ABHD8: variants seen among roughly 807,000 people sequenced by gnomAD.
The protein encoded by ABHD8 is abhydrolase domain containing 8, also known as protein ABHD8.
Under a neutral mutation model 29.3 loss-of-function variants are expected in ABHD8, and 10 were observed. That is an observed-to-expected ratio of 0.34 (90% CI 0.21 to 0.58). ABHD8 has a LOEUF of 0.58. Ranked by LOEUF, ABHD8 falls within the 20% of genes least tolerant of loss-of-function variation. ABHD8 has a pLI of 0.85. For synonymous variants in ABHD8, 282 were observed against 274.6 expected, an observed-to-expected ratio of 1.03 and a Z score of -0.27; for missense variants, 556 against 615.3, an observed-to-expected ratio of 0.90 and a Z score of 1.02.
intron 1 of ABHD8, among the ~76,000 whole-genome samples, chr19:17,302,462 T>C (rs1462259491): frequency 1.3e-5 from 2 of 152,282 alleles, no homozygotes; most frequent in Admixed American, 1.3e-4. Flanking sequence ...GCATCTAAAA[T>C]ATGCAAATCT....
chr19:17,300,800 G>C (rs2074113752), intron 2 of ABHD8, 56 bp downstream of exon 2: 1 of 1,520,408 alleles, frequency 6.6e-7, no homozygotes, highest in African/African-American at 1.4e-5. Context: ...TTTTGTGACT[G>C]TAGTCCCTGC....
At chr19:17,294,537 T>C in intron 3 of ABHD8, 33 bp from the exon 4 acceptor site, 1 of 1,612,988 alleles carries the variant, frequency 6.2e-7, no homozygotes, top group Non-Finnish European at 8.5e-7. Flanking sequence ...TAGAGCCCCT[T>C]ATGCCAGCCC....
chr19:17,301,794 G>GTGTGTGTA (rs1350575632), intron 1 of ABHD8, among the ~76,000 whole-genome samples, 170 bp from the exon 2 acceptor site: 2 of 151,838 alleles, frequency 1.3e-5, no homozygotes, highest in African/African-American at 4.8e-5. Context: ...GTGTGTGTGT[G>GTGTGTGTA]TGTGTGTGTG....
chr19:17,301,453 G>A lies in ABHD8; in HGVS notation c.164C>T (p.Ala55Val). 6.2e-7 allele frequency: 1 copy of A among 1,611,778 alleles called. No individual in the cohort carries two copies. The highest frequency in any genetic ancestry group is 1.3e-5 in the African/African-American group (1 of 75,034). Residue 55 changes from alanine (A) to valine (V), a missense_variant, in exon 2 of 5, where the codon GCT becomes GTT. Around this residue, in one of 2 missense-constraint regions of ABHD8, gnomAD observed 286 missense variants for 261.4 expected, o/e 1.09. Transcript: ENST00000247706. ...TGCGGATGATGGTGGAGGTGGGGCA[G>A]CGGCTGGGGCGGGTCCTGCATGCTT... ...RVKHAGPAPA[A>V]APPPPSSASS...
At chr19:17,300,462 C>G (rs1398622816) in intron 2 of ABHD8, among the ~76,000 whole-genome samples, 1 of 151,876 alleles carries the variant, frequency 6.6e-6, no homozygotes, top group African/African-American at 2.4e-5. Context: ...CCGCCTTGGC[C>G]CCCGAAAGCA....
Position 17,301,369 on chromosome 19 carries a change from G to A in ABHD8, c.248C>T (p.Thr83Ile), listed in dbSNP as rs2074117456. ...SGLVRCQRRI[T>I]VYRNGRLLVE... ...CAGCAACCGCCCATTGCGGTACACGGTGATCCGGCGCTGACAGCGGACCAA... is the reference window on the plus strand; with the variant it reads ...CAGCAACCGCCCATTGCGGTACACGATGATCCGGCGCTGACAGCGGACCAA... The change falls in exon 2 of 5, where the codon ACC becomes ATC. Residue 83 changes from threonine (T) to isoleucine (I), a missense_variant. Coordinates refer to ENST00000247706, the MANE Select transcript of ABHD8 (RefSeq NM_024527.5). 1.2e-6 allele frequency: 2 copies of A among 1,610,792 alleles called. No individual in the cohort carries two copies. Among genetic ancestry groups the A allele is most frequent in the African/African-American group, 1.3e-5 (1 of 74,950 alleles).
chr19:17,299,338 A>G (rs369202388), intron 2 of ABHD8, among the ~76,000 whole-genome samples: 5 of 150,628 alleles, frequency 3.3e-5, no homozygotes, highest in East Asian at 3.9e-4. Flanking sequence ...GAGGAGGGCG[A>G]ATCACGAGGT....
intron 2 of ABHD8, among the ~76,000 whole-genome samples, chr19:17,299,889 C>T (rs1184300435): frequency 2.7e-5 from 4 of 149,156 alleles, no homozygotes; most frequent in South Asian, 2.2e-4. Flanking sequence ...TGTGCACCAC[C>T]GCGCGTGGTG....
intron 4 of ABHD8, 109 bp downstream of exon 4, chr19:17,294,179 G>A (rs1599521921): frequency 7.3e-7 from 1 of 1,368,368 alleles, no homozygotes; most frequent in Non-Finnish European, 9.8e-7. Flanking sequence ...GCCCCCTCGG[G>A]AAGAAAGCAC....
At position 17,300,948 on chromosome 19, in the gene ABHD8, T is replaced by C. The variant is rs2074114504; in HGVS notation, c.669A>G (p.Ala223=). The change falls in exon 2 of 5, where the codon GCA becomes GCG. Residue 223 remains alanine (A), a synonymous_variant. Transcript: ENST00000247706. ...HGASSAPQVA[A]AYTFYALAED... is the part of the protein sequence containing the mutation. The stretch of plus-strand genomic sequence containing the variant: ...CAGCCAGCGCATAGAAGGTGTAGGC[T>C]GCGGCCACCTGGGGCGCAGAGCTGG... 1 of 1,613,520 alleles carries C rather than the reference T, an allele frequency of 6.2e-7. No individual in the cohort carries two copies. Among genetic ancestry groups the C allele is most frequent in the Non-Finnish European group, 8.5e-7 (1 of 1,179,950 alleles).
Position 17,294,651 on chromosome 19 carries a change from G to C in ABHD8, c.932+24C>G, listed in dbSNP as rs771790599. 11 of 1,611,270 alleles carry C rather than the reference G, an allele frequency of 6.8e-6. No homozygotes were observed. The South Asian group carries it at 1.2e-4, about 18-fold the overall frequency. The stretch of plus-strand genomic sequence containing the variant: ...CTGGGTTCGCCAGGGCCAGGATCAC[G>C]GTCTTTGGGGTGGGGACACTCACTT... On this transcript the variant is annotated intron_variant, in intron 3 of 4. Transcript: ENST00000247706.
At chr19:17,294,157 C>G (rs2074082778) in intron 4 of ABHD8, 131 bp downstream of exon 4, 1 of 1,161,618 alleles carries the variant, frequency 8.6e-7, no homozygotes, top group Admixed American at 2.5e-5. Context: ...GCCACGCCCA[C>G]CCGGCAGCCA....
At position 17,292,198 on chromosome 19, in the gene ABHD8, C is replaced by G. The variant is rs1028520973; in HGVS notation, c.*463G>C. 7 of 193,196 alleles carry G rather than the reference C, an allele frequency of 3.6e-5. No individual in the cohort carries two copies. The highest frequency in any genetic ancestry group is 1.8e-4 in the Admixed American group (3 of 16,358). The allele number at this position is 193,196 out of a possible 1,614,324, so 12.0% of individuals were successfully genotyped here. On this transcript the variant is annotated 3_prime_UTR_variant, in exon 5 of 5. Coordinates refer to ENST00000247706, the MANE Select transcript of ABHD8 (RefSeq NM_024527.5). ...GCAGGTTCGGTGGCGCCAGCCCCCC[C>G]ATCCCCCCCCCTTGGGCAAAAATAG... is the stretch of plus-strand genomic sequence containing the variant.
intron 4 of ABHD8, 72 bp from the exon 5 acceptor site, chr19:17,292,903 C>T (rs762785711): frequency 4.6e-6 from 7 of 1,506,114 alleles, no homozygotes; most frequent in Non-Finnish European, 5.4e-6. Context: ...CCTGGGACTC[C>T]GCCATACACA....
rs779607230 is a variant in ABHD8 at position 17,295,090 on chromosome 19, ATTTTTTTTTT to A, written c.762-255_762-246del. On this transcript the variant is annotated intron_variant, in intron 2 of 4. Coordinates refer to ENST00000247706, the MANE Select transcript of ABHD8 (RefSeq NM_024527.5). ...AGGCGCACACCACCACACCCAGGTAATTTTTTTTTTTTTTTTTTTTTTTTTTGAGACGGAG... is the reference window on the plus strand; with the variant it reads ...AGGCGCACACCACCACACCCAGGTAATTTTTTTTTTTTTTTTGAGACGGAG... Among the ~76,000 whole-genome samples the A allele has an allele frequency of 1.6e-4, 13 of 80,416 alleles. No homozygotes were observed. The South Asian group carries it at 5.8e-3, about 36-fold the overall frequency. 52.8% of individuals were successfully genotyped at this position (80,416 alleles called of 152,430 possible). A position where few individuals can be genotyped will look rare whatever the true frequency, so the allele number is the denominator to read the frequency against.
At position 17,295,102 on chromosome 19, in the gene ABHD8, T is replaced by TTA. The variant is rs1658888096; in HGVS notation, c.762-258_762-257insTA. Among the ~76,000 whole-genome samples the TTA allele has an allele frequency of 5.9e-5, 8 of 136,156 alleles. No homozygotes were observed. In the South Asian group the frequency reaches 2.0e-3, roughly 34 times the overall value. The allele number at this position is 136,156 out of a possible 152,430, so 89.3% of individuals were successfully genotyped here. On this transcript the variant is annotated intron_variant, in intron 2 of 4. Coordinates refer to ENST00000247706, the MANE Select transcript of ABHD8 (RefSeq NM_024527.5). Reference sequence around the variant, plus strand: ...CCACACCCAGGTAATTTTTTTTTTTTTTTTTTTTTTTTTTGAGACGGAGTC... The same window carrying TTA: ...CCACACCCAGGTAATTTTTTTTTTTTTATTTTTTTTTTTTTTGAGACGGAGTC...
chr19:17,301,002 C>A lies in ABHD8; in HGVS notation c.615G>T (p.Val205=). Residue 205 remains valine, a synonymous_variant, in exon 2 of 5, where the codon GTG becomes GTT. Transcript: ENST00000247706. ...CGTGGCCGGCCAGGTCAGGAGCCAC[C>A]ACCTCATAGCCTAGGCGCACAAAGA... ...LDFFVRLGYE[V]VAPDLAGHGA... is the part of the protein sequence containing the mutation. The A allele has an allele frequency of 6.2e-7, 1 of 1,613,496 alleles. No homozygotes were observed. The highest frequency in any genetic ancestry group is 1.3e-5 in the African/African-American group (1 of 75,076).
intron 2 of ABHD8, 86 bp downstream of exon 2, chr19:17,300,770 G>A: frequency 6.8e-7 from 1 of 1,475,588 alleles, no homozygotes; most frequent in Middle Eastern, 1.8e-4. Context: ...GAGCCACGGG[G>A]CTCAGCCAAA....
chr19:17,292,200 T>TC lies in ABHD8; in HGVS notation c.*460dup, dbSNP rs145458935. The TC allele has an allele frequency of 0.033, 5,436 of 162,850 alleles. 298 individuals carry two copies. The highest frequency in any genetic ancestry group is 0.12 in the African/African-American group (4,965 of 39,766). 10.1% of individuals were successfully genotyped at this position (162,850 alleles called of 1,614,324 possible). Reference sequence around the variant, plus strand: ...AGGTTCGGTGGCGCCAGCCCCCCCATCCCCCCCCCTTGGGCAAAAATAGCT... The same window carrying TC: ...AGGTTCGGTGGCGCCAGCCCCCCCATCCCCCCCCCCTTGGGCAAAAATAGCT... On this transcript the variant is annotated 3_prime_UTR_variant, in exon 5 of 5. Coordinates refer to ENST00000247706, the MANE Select transcript of ABHD8 (RefSeq NM_024527.5).
Sources: gnomAD v4.1 joint callset for allele counts (sites outside exome capture counted in the v4.1 genomes callset) on GRCh38, gnomAD v4.1.1 for gene constraint, gnomAD v4.1.1 regional missense constraint, MANE v1.5 for transcripts, NCBI Gene and HGNC (gene_info 2026-07-23, HGNC 2026-07-21) for gene names.